Variants in MSH4 observed in about 807,000 individuals in gnomAD.
MSH4 encodes the protein mutS homolog 4.
In MSH4, 106 loss-of-function variants were observed where a neutral mutation model predicts 113.7. The observed-to-expected ratio is 0.93, with a 90% CI of 0.80 to 1.10. The LOEUF (loss-of-function observed/expected upper bound fraction) is 1.10, where lower values mean the gene tolerates loss of function less well. MSH4 is among the 50% of genes least tolerant of loss of function. MSH4 has a pLI of 0.00. For synonymous variants in MSH4, 368 were observed against 380.2 expected, an observed-to-expected ratio of 0.97 and a Z score of 0.37; for missense variants, 1,061 against 1,093.7, an observed-to-expected ratio of 0.97 and a Z score of 0.42.
intron 3 of MSH4, among the ~76,000 whole-genome samples, chr1:75,808,202 G>T (rs1650110093): frequency 6.6e-6 from 1 of 152,104 alleles, no homozygotes; most frequent in African/African-American, 2.4e-5. Flanking sequence ...GTCCCTGGTG[G>T]TATTTCAGAT....
chr1:75,911,655 C>G (rs1652788433), intron 19 of MSH4, among the ~76,000 whole-genome samples: 1 of 151,968 alleles, frequency 6.6e-6, no homozygotes, highest in Non-Finnish European at 1.5e-5. Flanking sequence ...TAAACGTAAG[C>G]TTAGAGGCCT....
chr1:75,804,502 T>A (rs995225710), intron 2 of MSH4, among the ~76,000 whole-genome samples: 1 of 148,226 alleles, frequency 6.7e-6, no homozygotes, highest in Non-Finnish European at 1.5e-5. Flanking sequence ...GACCTTCCTT[T>A]TTTTTTTTTT....
intron 16 of MSH4, among the ~76,000 whole-genome samples, chr1:75,890,167 G>A (rs1243575602): frequency 6.6e-6 from 1 of 151,944 alleles, no homozygotes; most frequent in Non-Finnish European, 1.5e-5. Context: ...GTGGAAAAGA[G>A]CACTTCTGTC....
At position 75,879,001 on chromosome 1, in the gene MSH4, C is replaced by G; in HGVS notation, c.1550C>G (p.Ser517Ter). The G allele has an allele frequency of 6.2e-7, 1 of 1,607,066 alleles. No homozygotes were observed. Among genetic ancestry groups the G allele is most frequent in the South Asian group, 1.1e-5 (1 of 90,192 alleles). Residue 517 changes from serine to a stop codon, truncating the protein, a stop_gained, in exon 12 of 20, where the codon TCA becomes TGA. Transcript: ENST00000263187. LOFTEE classifies it high-confidence loss of function. ...TGTTTCTGGTCACCAGGAATGATAT[C>G]ACAACTTGGAGAAAAATATAGTCTA... is the stretch of plus-strand genomic sequence containing the variant. ...EIVDDIAGMISQLGEKYSLPL... is the reference protein window; with the variant it reads ...EIVDDIAGMI
Position 75,899,693 on chromosome 1 carries a change from C to A in MSH4, c.2606C>A (p.Thr869Lys), listed in dbSNP as rs150968400. The A allele has an allele frequency of 6.7e-7, 1 of 1,489,158 alleles. No individual in the cohort carries two copies. 92.2% of individuals were successfully genotyped at this position (1,489,158 alleles called of 1,614,324 possible). A position where few individuals can be genotyped will look rare whatever the true frequency, so the allele number is the denominator to read the frequency against. Residue 869 changes from threonine to lysine, a missense_variant, in exon 19 of 20, where the codon ACG becomes AAG. By Grantham distance (78) the Thr-to-Lys change is moderately conservative. Coordinates refer to ENST00000263187, the MANE Select transcript of MSH4 (RefSeq NM_002440.4). ...LDAKEITTQI[T>K]RQILQNQRST... The stretch of plus-strand genomic sequence containing the variant: ...GCCAAGGAAATCACAACTCAAATTA[C>A]GAGACAAATTTTGGTAAGAAACTTT...
chr1:75,876,065 T>G (rs779686870), intron 9 of MSH4, among the ~76,000 whole-genome samples: 8 of 152,140 alleles, frequency 5.3e-5, no homozygotes, highest in Non-Finnish European at 1.2e-4. Context: ...ATTTCATGTT[T>G]AGACTCAGGT....
At chr1:75,839,526 G>C (rs1467984304) in intron 7 of MSH4, among the ~76,000 whole-genome samples, 1 of 152,128 alleles carries the variant, frequency 6.6e-6, no homozygotes, top group Non-Finnish European at 1.5e-5. Flanking sequence ...TTAATGGTTT[G>C]TAATTTATCT....
chr1:75,893,475 C>T (rs12733990), intron 17 of MSH4, among the ~76,000 whole-genome samples: 10,250 of 151,914 alleles, frequency 0.067, 507 homozygotes, highest in African/African-American at 0.14. Context: ...ACATTTAGGC[C>T]CTAAATTCTG....
At chr1:75,906,454 C>CAATATTATATATATTATATAT (rs1187460602) in intron 19 of MSH4, among the ~76,000 whole-genome samples, 2 of 7,282 alleles carry the variant, frequency 2.7e-4, no homozygotes, top group African/African-American at 7.2e-4. Flanking sequence ...AATATATATA[C>CAATATTATATATATTATATAT]AATATTATAT....
chr1:75,900,405 G>T (rs185350118), intron 19 of MSH4, among the ~76,000 whole-genome samples: 1 of 152,110 alleles, frequency 6.6e-6, no homozygotes, highest in East Asian at 1.9e-4. Flanking sequence ...GGGTTTAAGC[G>T]ATTCTCCTGT....
Position 75,816,513 on chromosome 1 carries a change from A to G in MSH4, c.956A>G (p.Asn319Ser). The part of the protein sequence containing the change: ...TAMIDSSSAQ[N>S]LELLINNQDY... The stretch of plus-strand genomic sequence containing the variant: ...ATGATAGATTCATCATCAGCCCAAA[A>G]CCTTGAATTGTTAATTAATAATCAA... The change falls in exon 6 of 20, where the codon AAC (asparagine) becomes AGC (serine). Residue 319 changes from asparagine (N) to serine (S), a missense_variant. Coordinates refer to ENST00000263187, the MANE Select transcript of MSH4 (RefSeq NM_002440.4). 6.3e-7 allele frequency: 1 copy of G among 1,591,300 alleles called. No homozygotes were observed. The highest frequency in any genetic ancestry group is 8.6e-7 in the Non-Finnish European group (1 of 1,166,914).
intron 1 of MSH4, among the ~76,000 whole-genome samples, chr1:75,798,328 CCT>C (rs1649864450): frequency 6.6e-6 from 1 of 152,076 alleles, no homozygotes; most frequent in Non-Finnish European, 1.5e-5. Flanking sequence ...TCCACTTGCC[CCT>C]GTTTTTCTGC....
chr1:75,898,986 C>G (rs1652445904), intron 18 of MSH4, among the ~76,000 whole-genome samples: 1 of 152,124 alleles, frequency 6.6e-6, no homozygotes, highest in African/African-American at 2.4e-5. Flanking sequence ...AGCTGTGTGG[C>G]ACACTGCTTA....
rs1271841025 is a variant in MSH4 at position 75,802,002 on chromosome 1, C to T, written c.245-1729C>T. On this transcript the variant is annotated intron_variant, in intron 1 of 19. Transcript: ENST00000263187. ...TGGGCAACATGGCAAAACCCCATCT[C>T]TACAAAAATACAAAAAATTAGCCTG... Among the ~76,000 whole-genome samples, 4 of 151,790 alleles carry T rather than the reference C, an allele frequency of 2.6e-5. No individual in the cohort carries two copies. In the South Asian group the frequency reaches 8.3e-4, roughly 32 times the overall value.
intron 7 of MSH4, among the ~76,000 whole-genome samples, chr1:75,838,745 G>A (rs946523518): frequency 5.9e-5 from 9 of 152,200 alleles, no homozygotes; most frequent in South Asian, 4.2e-4. Context: ...TTGGAACGCT[G>A]TAATTTTTGC....
chr1:75,881,512 A>G, intron 14 of MSH4, 142 bp downstream of exon 14: 1 of 820,498 alleles, frequency 1.2e-6, no homozygotes, highest in East Asian at 3.3e-5. Flanking sequence ...AAGACACAAA[A>G]TAAAGAAAGT....
At chr1:75,887,765 C>T (rs1652158780) in intron 15 of MSH4, among the ~76,000 whole-genome samples, 1 of 152,034 alleles carries the variant, frequency 6.6e-6, no homozygotes, top group South Asian at 2.1e-4. Context: ...AAGAAGGTAG[C>T]AGGTCATTCC....
intron 7 of MSH4, among the ~76,000 whole-genome samples, chr1:75,841,876 A>G (rs932061557): frequency 2.6e-5 from 4 of 152,186 alleles, no homozygotes; most frequent in African/African-American, 9.7e-5. Context: ...TAACCGCAAT[A>G]TATTCAGCCT....
intron 2 of MSH4, among the ~76,000 whole-genome samples, chr1:75,806,140 T>C (rs1380135167): frequency 6.6e-6 from 1 of 150,602 alleles, no homozygotes; most frequent in Non-Finnish European, 1.5e-5. Flanking sequence ...AATGTTCATG[T>C]CTTTTACTCA....
Sources: allele counts gnomAD v4.1 joint callset (sites outside exome capture counted in the v4.1 genomes callset), GRCh38; gene constraint gnomAD v4.1.1; transcripts MANE v1.5; gene names NCBI Gene and HGNC (gene_info 2026-07-23, HGNC 2026-07-21).